LOC400499: variants seen among roughly 807,000 people sequenced by gnomAD.
the LOC400499 span, among the ~76,000 whole-genome samples, chr16:11,388,235 C>A: frequency 6.6e-6 from 1 of 152,160 alleles, no homozygotes. Context: ...GGATCCCACT[C>A]ACCAGGTAGG....
At chr16:11,458,779 T>C in the LOC400499 span, among the ~76,000 whole-genome samples, 5 of 152,080 alleles carry the variant, frequency 3.3e-5, no homozygotes, top group African/African-American at 1.2e-4. Flanking sequence ...CTCATGCCTG[T>C]AACCCAGCAC....
chr16:11,457,238 C>G, the LOC400499 span: 1 of 552,646 alleles, frequency 1.8e-6, no homozygotes, highest in Non-Finnish European at 3.2e-6. Context: ...TTCTCATACG[C>G]TGATGGTGGG....
At chr16:11,456,022 A>G in the LOC400499 span, among the ~76,000 whole-genome samples, 2 of 148,962 alleles carry the variant, frequency 1.3e-5, no homozygotes, top group African/African-American at 5.0e-5. Flanking sequence ...GAAAAAATGG[A>G]AAAAAAAATT....
At chr16:11,460,585 C>T in the LOC400499 span, 4 of 1,534,776 alleles carry the variant, frequency 2.6e-6, no homozygotes, top group Non-Finnish European at 2.6e-6. Flanking sequence ...TGGTGCTGCA[C>T]TCGTGTGCCG....
the LOC400499 span, among the ~76,000 whole-genome samples, chr16:11,448,306 T>TG: frequency 1.3e-5 from 2 of 152,178 alleles, no homozygotes; most frequent in African/African-American, 4.8e-5. Context: ...AAGAAGAACT[T>TG]GGACTTCTCA....
chr16:11,444,519 C>A, the LOC400499 span, among the ~76,000 whole-genome samples: 4 of 152,186 alleles, frequency 2.6e-5, no homozygotes, highest in Non-Finnish European at 2.9e-5. Flanking sequence ...GTATTATTCA[C>A]GGTGCTCTTG....
chr16:11,479,906 T>C, the LOC400499 span, among the ~76,000 whole-genome samples: 1 of 152,092 alleles, frequency 6.6e-6, no homozygotes, highest in Non-Finnish European at 1.5e-5. Flanking sequence ...TTCATGGCAG[T>C]TTTTTAGTCT....
chr16:11,398,402 G>A, the LOC400499 span: 3 of 1,232,336 alleles, frequency 2.4e-6, no homozygotes, highest in South Asian at 4.1e-5. Flanking sequence ...AGCGTGCATA[G>A]TCAGTCTGTA....
At chr16:11,394,467 T>C in the LOC400499 span, among the ~76,000 whole-genome samples, 14 of 152,356 alleles carry the variant, frequency 9.2e-5, no homozygotes, top group Admixed American at 7.8e-4. Flanking sequence ...TGTAAAATGA[T>C]ACAGAACAAT....
chr16:11,499,854 C>A, the LOC400499 span, among the ~76,000 whole-genome samples: 1 of 152,158 alleles, frequency 6.6e-6, no homozygotes, highest in Non-Finnish European at 1.5e-5. Flanking sequence ...AGGACACACC[C>A]CAAGGTCTCA....
chr16:11,475,779 C>T, the LOC400499 span: 3 of 397,224 alleles, frequency 7.6e-6, no homozygotes, highest in East Asian at 1.1e-4. Context: ...ACAAGTAACA[C>T]CTTGAGCTGC....
chr16:11,466,975 C>A, the LOC400499 span, among the ~76,000 whole-genome samples: 1 of 151,982 alleles, frequency 6.6e-6, no homozygotes, highest in Non-Finnish European at 1.5e-5. Flanking sequence ...ATTTTTGAGA[C>A]GCAGTCTTGC....
chr16:11,460,667 G>T, the LOC400499 span: 1 of 1,472,532 alleles, frequency 6.8e-7, no homozygotes, highest in East Asian at 2.5e-5. Flanking sequence ...CCTCCACCAG[G>T]GCTCCAAGAG....
At chr16:11,477,786 C>A in the LOC400499 span, 1 of 398,638 alleles carries the variant, frequency 2.5e-6, no homozygotes, top group Non-Finnish European at 4.4e-6. Context: ...GGGATCCCAC[C>A]ACCTAACCTG....
the LOC400499 span, among the ~76,000 whole-genome samples, chr16:11,429,183 C>G: frequency 6.6e-6 from 1 of 152,040 alleles, no homozygotes; most frequent in South Asian, 2.1e-4. Context: ...GGCCTGGGAG[C>G]GGATTTCTTA....
the LOC400499 span, among the ~76,000 whole-genome samples, chr16:11,397,236 C>T: frequency 2.0e-5 from 3 of 152,170 alleles, 1 homozygote; most frequent in East Asian, 5.8e-4. Flanking sequence ...GGGTGGGAAA[C>T]TATGGTTTGG....
the LOC400499 span, among the ~76,000 whole-genome samples, chr16:11,485,283 G>A: frequency 6.6e-6 from 1 of 152,116 alleles, no homozygotes; most frequent in Non-Finnish European, 1.5e-5. Flanking sequence ...CACACGGTAA[G>A]AATTCTTGCC....
At chr16:11,505,769 A>G in the LOC400499 span, among the ~76,000 whole-genome samples, 10,012 of 152,002 alleles carry the variant, frequency 0.066, 911 homozygotes, top group African/African-American at 0.2. Flanking sequence ...TTGATACACA[A>G]TAGATTCACA....
the LOC400499 span, among the ~76,000 whole-genome samples, chr16:11,440,186 G>A: frequency 1.3e-5 from 2 of 152,088 alleles, no homozygotes; most frequent in African/African-American, 2.4e-5. Flanking sequence ...GAATGAACAC[G>A]TCCACGGATG....
Sources: allele counts gnomAD v4.1 joint callset (sites outside exome capture counted in the v4.1 genomes callset), GRCh38; gene constraint gnomAD v4.1.1; transcripts MANE v1.5.